The following CRIM1 variants were observed in gnomAD, a reference collection of about 807,000 sequenced individuals.
The protein encoded by CRIM1 is cysteine rich transmembrane BMP regulator 1.
A neutral mutation model predicts 116.4 loss-of-function variants in CRIM1; 32 were observed. The observed-to-expected ratio is 0.27, with a 90% confidence interval of 0.21 to 0.37. The LOEUF (loss-of-function observed/expected upper bound fraction) is 0.37, where lower values mean the gene tolerates loss of function less well. CRIM1 is among the 10% of genes least tolerant of loss of function. The pLI is 1.00. For missense variants in CRIM1, 1,331 were observed against 1,354.8 expected (o/e 0.98, Z 0.28); for synonymous variants, 590 against 509.2 (o/e 1.16, Z -2.13).
At chr2:36,450,427 C>G (rs75924432) in intron 4 of CRIM1, among the ~76,000 whole-genome samples, 2,272 of 152,306 alleles carry the variant, frequency 0.015, 25 homozygotes, top group Non-Finnish European at 0.024. Flanking sequence ...TACATTTAAT[C>G]GTGCATACAC....
At chr2:36,520,343 G>T (rs143591455) in intron 12 of CRIM1, among the ~76,000 whole-genome samples, 1 of 152,274 alleles carries the variant, frequency 6.6e-6, no homozygotes, top group Admixed American at 6.5e-5. Flanking sequence ...CTAAGTTAAC[G>T]TAAGTCACAA....
intron 2 of CRIM1, among the ~76,000 whole-genome samples, chr2:36,410,872 A>G (rs1168061574): frequency 6.6e-6 from 1 of 152,144 alleles, no homozygotes; most frequent in Non-Finnish European, 1.5e-5. Context: ...TGGCGTCTGC[A>G]AGTATCCTTG....
rs1239094351 is a variant in CRIM1 at position 36,522,105 on chromosome 2, G to C, written c.2220G>C (p.Arg740=). The change falls in exon 13 of 17, where the codon CGG becomes CGC. Residue 740 remains arginine (R), a synonymous_variant. Coordinates refer to ENST00000280527, the MANE Select transcript of CRIM1 (RefSeq NM_016441.3). Reference sequence around the variant, plus strand: ...TCATTTTTCCAGATCAACCTTTTCGGCCTTCCTTGTCCCGCAATAACAGCG... The same window carrying C: ...TCATTTTTCCAGATCAACCTTTTCGCCCTTCCTTGTCCCGCAATAACAGCG... The part of the protein sequence containing the change: ...CCPQCTDQPF[R]PSLSRNNSVP... The C allele has an allele frequency of 5.0e-6, 8 of 1,614,054 alleles. No individual in the cohort carries two copies. The highest frequency in any genetic ancestry group is 6.8e-6 in the Non-Finnish European group (8 of 1,179,968).
chr2:36,467,882 T>C (rs1049679965), intron 5 of CRIM1, among the ~76,000 whole-genome samples: 4 of 152,226 alleles, frequency 2.6e-5, no homozygotes, highest in East Asian at 1.9e-4. Context: ...AGATTTTTCA[T>C]ATGGAAAGGA....
rs201255349 is a variant in CRIM1, at chr2:36,369,111, G to A, written c.331+12488G>A. ...TCTTTATTTGCTTTTCTTCCAGGTT[G>A]GTTGGTGCATATTAGCTTAAGAACT... On this transcript the variant is annotated intron_variant, in intron 1 of 16. Coordinates refer to ENST00000280527, the MANE Select transcript of CRIM1 (RefSeq NM_016441.3). 4 of 152,190 alleles carry A rather than the reference G, an allele frequency of 2.6e-5. No homozygotes were observed. The East Asian group carries it at 7.7e-4, about 29-fold the overall frequency. The allele number at this position is 152,190 out of a possible 1,614,324, so 9.4% of individuals were successfully genotyped here.
intron 13 of CRIM1, among the ~76,000 whole-genome samples, chr2:36,530,096 T>A (rs1666013177): frequency 1.3e-5 from 2 of 152,244 alleles, no homozygotes; most frequent in South Asian, 4.1e-4. Context: ...ATTAAATCAG[T>A]AAGCATTTGT....
chr2:36,490,108 G>A (rs1009067375), intron 7 of CRIM1, among the ~76,000 whole-genome samples: 13 of 152,148 alleles, frequency 8.5e-5, no homozygotes, highest in African/African-American at 2.9e-4. Flanking sequence ...TCAGAATGCT[G>A]AACCAATTGC....
intron 2 of CRIM1, among the ~76,000 whole-genome samples, chr2:36,412,685 A>C (rs1167176537): frequency 2.0e-5 from 3 of 152,190 alleles, no homozygotes; most frequent in African/African-American, 7.2e-5. Context: ...CCCATTTGCT[A>C]TATGTTAAAT....
rs766305944 is a variant in CRIM1, at chr2:36,356,511, C to T, written c.219C>T (p.Ser73=). ...CGTGCGCCAGCCAGAGGAACGAGAG[C>T]TGCGGCGGCACCTTCGGGATTTACG... The part of the protein sequence containing the change: ...CYTCASQRNE[S]CGGTFGIYGT... The change falls in exon 1 of 17, where the codon AGC becomes AGT. Residue 73 remains serine (S), a synonymous_variant. Transcript: ENST00000280527. This position sits in a 1 kb window ranked among gnomAD's most constrained non-coding sequence, Gnocchi z 4.3. The T allele has an allele frequency of 9.3e-6, 15 of 1,612,894 alleles. No homozygotes were observed. The highest frequency in any genetic ancestry group is 9.3e-6 in the Non-Finnish European group (11 of 1,179,862).
At position 36,510,539 on chromosome 2, in the gene CRIM1, C is replaced by A. The variant is rs563540825; in HGVS notation, c.1658+400C>A. Among the ~76,000 whole-genome samples the A allele has an allele frequency of 4.6e-5, 7 of 152,310 alleles. No homozygotes were observed. The South Asian group carries it at 1.5e-3, about 32-fold the overall frequency. ...CACATACTTTAAGATCAATTGAAGA[C>A]CGACCCCCCACTCACTTGAAATACA... On this transcript the variant is annotated intron_variant, in intron 9 of 16. Coordinates refer to ENST00000280527, the MANE Select transcript of CRIM1 (RefSeq NM_016441.3).
At chr2:36,478,770 G>A (rs1679180929) in intron 6 of CRIM1, among the ~76,000 whole-genome samples, 1 of 152,086 alleles carries the variant, frequency 6.6e-6, no homozygotes, top group Admixed American at 6.5e-5. Context: ...TTATCTGGTT[G>A]CTCTCAATAG....
At chr2:36,453,286 C>T (rs1676877796) in intron 4 of CRIM1, among the ~76,000 whole-genome samples, 1 of 152,294 alleles carries the variant, frequency 6.6e-6, no homozygotes, top group African/African-American at 2.4e-5. Flanking sequence ...ATGTATTATA[C>T]AGCAAGTGGT....
intron 2 of CRIM1, among the ~76,000 whole-genome samples, chr2:36,431,646 T>C (rs1674901642): frequency 6.6e-6 from 1 of 152,216 alleles, no homozygotes; most frequent in Non-Finnish European, 1.5e-5. Context: ...TACTGGAGGT[T>C]TAAAGGAACA....
intron 4 of CRIM1, among the ~76,000 whole-genome samples, chr2:36,456,359 A>G (rs1351279974): frequency 2.0e-5 from 3 of 152,216 alleles, no homozygotes; most frequent in African/African-American, 7.2e-5. Flanking sequence ...ATTGTTCCAA[A>G]GCATCTATTT....
rs368068258 is a variant in CRIM1, at chr2:36,509,965, G to T, written c.1502-18G>T. 6.2e-7 allele frequency: 1 copy of T among 1,610,898 alleles called. No individual in the cohort carries two copies. Among genetic ancestry groups the T allele is most frequent in the Admixed American group, 1.7e-5 (1 of 59,782 alleles). On this transcript the variant is annotated intron_variant, in intron 8 of 16. Transcript: ENST00000280527. ...TGTTCATCTTTGGAAGAAACATGCCGTCTCTGTGTCTTCACAGCCGAGGAA... is the reference window on the plus strand; with the variant it reads ...TGTTCATCTTTGGAAGAAACATGCCTTCTCTGTGTCTTCACAGCCGAGGAA...
At chr2:36,362,384 C>T (rs1572553933) in intron 1 of CRIM1, among the ~76,000 whole-genome samples, 1 of 152,148 alleles carries the variant, frequency 6.6e-6, no homozygotes, top group African/African-American at 2.4e-5. Context: ...GGGAGGTGAT[C>T]CTACCCATTC....
intron 1 of CRIM1, among the ~76,000 whole-genome samples, chr2:36,385,192 G>A (rs577949781): frequency 2.0e-3 from 303 of 151,940 alleles, no homozygotes; most frequent in African/African-American, 6.9e-3. Flanking sequence ...TAGTATAATC[G>A]TTGGAATTTA....
intron 13 of CRIM1, among the ~76,000 whole-genome samples, chr2:36,526,549 C>T (rs1665769491): frequency 6.6e-6 from 1 of 151,918 alleles, no homozygotes; most frequent in Non-Finnish European, 1.5e-5. Flanking sequence ...AGGAGGATAG[C>T]AGAGAAGTAA....
At chr2:36,510,934 T>C (rs1178916540) in intron 9 of CRIM1, among the ~76,000 whole-genome samples, 1 of 149,710 alleles carries the variant, frequency 6.7e-6, no homozygotes, top group Non-Finnish European at 1.5e-5. Flanking sequence ...TTTTTTTTTT[T>C]TTTTTTTTTC....
Sources: gnomAD v4.1 joint callset for allele counts (sites outside exome capture counted in the v4.1 genomes callset) on GRCh38, gnomAD v4.1.1 for gene constraint, Gnocchi (gnomAD v3.1) non-coding constraint, MANE v1.5 for transcripts, NCBI Gene and HGNC (gene_info 2026-07-23, HGNC 2026-07-21) for gene names.